The following GALNT13 variants were observed in gnomAD, a reference collection of about 807,000 sequenced individuals.
GALNT13 encodes the protein UDP-GalNAc:polypeptide N-acetylgalactosaminyltransferase 13.
GALNT13 carries 28 observed loss-of-function variants against 64.2 expected under a neutral mutation model. The ratio of observed to expected loss-of-function variants is 0.44; its 90% CI spans 0.32 to 0.60. The LOEUF (loss-of-function observed/expected upper bound fraction) is 0.60. Among genes scored for constraint, GALNT13 ranks in the 20% least tolerant of loss-of-function variants. The pLI is 0.05. For synonymous variants in GALNT13, 214 were observed against 224.6 expected (o/e 0.95, Z 0.42); for missense variants, 577 against 669.8 (o/e 0.86, Z 1.53).
intron 3 of GALNT13, among the ~76,000 whole-genome samples, chr2:154,136,576 T>G (rs1467293861): frequency 1.3e-5 from 2 of 152,158 alleles, no homozygotes; most frequent in African/African-American, 2.4e-5. Context: ...TTGTTTTGTT[T>G]ATAATATGAT....
the GALNT13 span, among the ~76,000 whole-genome samples, chr2:153,378,744 G>A: frequency 1.3e-5 from 2 of 152,086 alleles, no homozygotes; most frequent in African/African-American, 4.8e-5. Context: ...AATATAATAA[G>A]GGCTCAGTTG....
the GALNT13 span, among the ~76,000 whole-genome samples, chr2:153,361,839 G>A: frequency 6.6e-6 from 1 of 152,102 alleles, no homozygotes. Context: ...GCCTAGCAAG[G>A]CAGGCCAATA....
chr2:154,237,558 T>C (rs1689260514), intron 4 of GALNT13, among the ~76,000 whole-genome samples: 1 of 147,338 alleles, frequency 6.8e-6, no homozygotes, highest in Non-Finnish European at 1.5e-5. Context: ...ATATAACATG[T>C]TAGATATTAT....
the GALNT13 span, among the ~76,000 whole-genome samples, chr2:153,789,696 A>G: frequency 6.6e-6 from 1 of 152,186 alleles, no homozygotes; most frequent in Non-Finnish European, 1.5e-5. Context: ...TGCTAGACTA[A>G]CAAAGAAAAG....
At chr2:154,312,138 A>C (rs1429987256) in intron 9 of GALNT13, among the ~76,000 whole-genome samples, 1 of 152,202 alleles carries the variant, frequency 6.6e-6, no homozygotes, top group Non-Finnish European at 1.5e-5. Flanking sequence ...TGGGGAAGTG[A>C]TAAGTGTCCA....
intron 8 of GALNT13, among the ~76,000 whole-genome samples, chr2:154,276,502 C>G (rs1035399479): frequency 6.6e-6 from 1 of 152,166 alleles, no homozygotes; most frequent in Non-Finnish European, 1.5e-5. Flanking sequence ...TCCCAAAGTG[C>G]TGGCATTAAA....
chr2:153,970,624 A>T (rs1310713925), intron 3 of GALNT13, among the ~76,000 whole-genome samples: 1 of 152,246 alleles, frequency 6.6e-6, no homozygotes, highest in Admixed American at 6.5e-5. Flanking sequence ...TTTGTGACCA[A>T]GGCTTACTTG....
chr2:153,738,225 G>T, the GALNT13 span, among the ~76,000 whole-genome samples: 1 of 151,740 alleles, frequency 6.6e-6, no homozygotes, highest in Admixed American at 6.6e-5. Flanking sequence ...TATTTTCATT[G>T]TAATTTACAG....
At chr2:153,298,278 G>A in the GALNT13 span, among the ~76,000 whole-genome samples, 2 of 152,258 alleles carry the variant, frequency 1.3e-5, no homozygotes, top group South Asian at 2.1e-4. Context: ...GTGCAGAGAA[G>A]CCATGCAGAT....
chr2:154,019,135 T>G (rs1420502156), intron 3 of GALNT13, among the ~76,000 whole-genome samples: 1 of 152,184 alleles, frequency 6.6e-6, no homozygotes, highest in Non-Finnish European at 1.5e-5. Context: ...CTCTCTGCTC[T>G]TGGTTTCCTT....
chr2:153,462,212 G>A, the GALNT13 span, among the ~76,000 whole-genome samples: 140 of 151,572 alleles, frequency 9.2e-4, no homozygotes, highest in Middle Eastern at 0.01. Context: ...ATTTCCCTCC[G>A]TACATATAAA....
the GALNT13 span, among the ~76,000 whole-genome samples, chr2:153,735,831 C>G: frequency 6.6e-6 from 1 of 152,162 alleles, no homozygotes; most frequent in African/African-American, 2.4e-5. Context: ...ATGCTGTGTT[C>G]ATTCCGTTGC....
intron 3 of GALNT13, among the ~76,000 whole-genome samples, chr2:154,023,734 A>G (rs941213545): frequency 3.3e-5 from 5 of 152,176 alleles, no homozygotes; most frequent in African/African-American, 4.8e-5. Flanking sequence ...TGATCCTGTC[A>G]TTATGATGTT....
At chr2:153,591,842 T>TA in the GALNT13 span, among the ~76,000 whole-genome samples, 3 of 151,914 alleles carry the variant, frequency 2.0e-5, no homozygotes, top group African/African-American at 7.3e-5. Context: ...TTAAATAAAC[T>TA]AAAAAACTTC....
At chr2:153,878,299 A>G (rs1339552978) in intron 1 of GALNT13, among the ~76,000 whole-genome samples, 1 of 152,106 alleles carries the variant, frequency 6.6e-6, no homozygotes, top group African/African-American at 2.4e-5. Context: ...TTCACCCAAG[A>G]CTGATGAAAA....
chr2:153,820,354 A>T, the GALNT13 span, among the ~76,000 whole-genome samples: 1 of 152,202 alleles, frequency 6.6e-6, no homozygotes, highest in Non-Finnish European at 1.5e-5. Context: ...GGTTAGAGAG[A>T]TAGACATCAA....
At chr2:153,190,435 G>C in the GALNT13 span, among the ~76,000 whole-genome samples, 1 of 151,994 alleles carries the variant, frequency 6.6e-6, no homozygotes, top group Non-Finnish European at 1.5e-5. Flanking sequence ...AGTTTGATTT[G>C]TCTATGTGTC....
chr2:153,635,419 C>CATATATATGTATATATATATATAT, the GALNT13 span, among the ~76,000 whole-genome samples: 11 of 120,954 alleles, frequency 9.1e-5, no homozygotes, highest in Non-Finnish European at 1.5e-4. Flanking sequence ...TATATATACA[C>CATATATATGTATATATATATATAT]ATATATATGT....
chr2:153,856,154 G>A, the GALNT13 span, among the ~76,000 whole-genome samples: 1 of 152,076 alleles, frequency 6.6e-6, no homozygotes, highest in Non-Finnish European at 1.5e-5. Context: ...TGTGGTGATG[G>A]TTACACAGCT....
Sources: gnomAD v4.1 joint callset for allele counts (sites outside exome capture counted in the v4.1 genomes callset) on GRCh38, gnomAD v4.1.1 for gene constraint, MANE v1.5 for transcripts, NCBI Gene and HGNC (gene_info 2026-07-23, HGNC 2026-07-21) for gene names.